ARHGEF4: variants seen among roughly 807,000 people sequenced by gnomAD.
The protein encoded by ARHGEF4 is APC-stimulated guanine nucleotide exchange factor 1.
A neutral mutation model predicts 162.0 loss-of-function variants in ARHGEF4; 119 were observed. The observed-to-expected ratio is 0.73, with a 90% CI of 0.63 to 0.86. The LOEUF is 0.86. Among genes scored for constraint, ARHGEF4 ranks in the 40% least tolerant of loss-of-function variants. ARHGEF4 has a pLI of 0.00. For missense variants in ARHGEF4, 2,488 were observed against 2,456.0 expected, an observed-to-expected ratio of 1.01 and a Z score of -0.28; for synonymous variants, 1,014 against 979.9, an observed-to-expected ratio of 1.03 and a Z score of -0.65.
At chr2:131,041,691 G>C in intron 9 of ARHGEF4, 124 bp from the exon 10 acceptor site, 2 of 1,352,444 alleles carry the variant, frequency 1.5e-6, no homozygotes, top group Non-Finnish European at 1.0e-6. Context: ...GCATCTGATA[G>C]TGAGGATGTG....
At chr2:130,913,509 G>GTTT (rs202242067) in intron 1 of ARHGEF4, among the ~76,000 whole-genome samples, 4 of 152,040 alleles carry the variant, frequency 2.6e-5, no homozygotes, top group South Asian at 4.2e-4. Flanking sequence ...TACTTTTTGT[G>GTTT]TTTTTTTGTT....
intron 1 of ARHGEF4, among the ~76,000 whole-genome samples, chr2:130,842,801 T>C (rs1303565914): frequency 6.6e-6 from 1 of 152,214 alleles, no homozygotes; most frequent in Non-Finnish European, 1.5e-5. Flanking sequence ...CCAGTTTCTT[T>C]ACTAGTGAAG....
chr2:130,846,660 G>A (rs1053006082), intron 1 of ARHGEF4, among the ~76,000 whole-genome samples: 4 of 152,156 alleles, frequency 2.6e-5, no homozygotes, highest in African/African-American at 7.2e-5. Context: ...CAGGAGGTGC[G>A]GGGGCAGCTC....
At chr2:130,988,006 G>A (rs937029017) in intron 4 of ARHGEF4, among the ~76,000 whole-genome samples, 11 of 152,136 alleles carry the variant, frequency 7.2e-5, no homozygotes, top group Non-Finnish European at 1.3e-4. Flanking sequence ...CTTCTCATCC[G>A]TAAAATCAGG....
intron 4 of ARHGEF4, among the ~76,000 whole-genome samples, chr2:130,953,403 A>C (rs1684074795): frequency 6.6e-6 from 1 of 152,244 alleles, no homozygotes; most frequent in Admixed American, 6.5e-5. Flanking sequence ...TACAATAATT[A>C]ATTCAAGGTG....
chr2:130,946,360 G>A, intron 3 of ARHGEF4, 149 bp from the exon 4 acceptor site: 1 of 949,832 alleles, frequency 1.1e-6, no homozygotes. Context: ...GTTTTGATGT[G>A]AAAGGCATCC....
Position 131,038,928 on chromosome 2 carries a change from TTCAAAGCTGGGGA to T in ARHGEF4, c.4202_4214del (p.Phe1401SerfsTer5). 6.2e-7 allele frequency: 1 copy of T among 1,613,678 alleles called. No homozygotes were observed. The highest frequency in any genetic ancestry group is 1.7e-5 in the Admixed American group (1 of 60,016). On this transcript the variant is annotated frameshift_variant, in exon 6 of 14. Transcript: ENST00000409359. LOFTEE classifies it high-confidence loss of function. ...CACCATGGACGACCAGGAGCTGGGC[TTCAAAGCTGGGGA>T]CGTCATCGAAGTGATGGATGCCACC...
intron 4 of ARHGEF4, among the ~76,000 whole-genome samples, chr2:131,024,311 C>T (rs945194459): frequency 1.3e-5 from 2 of 152,140 alleles, no homozygotes; most frequent in Admixed American, 1.3e-4. Flanking sequence ...AATCTTGCTC[C>T]ATCGCCCAGG....
intron 1 of ARHGEF4, among the ~76,000 whole-genome samples, chr2:130,900,862 G>C (rs1680445207): frequency 3.3e-5 from 5 of 152,162 alleles, no homozygotes. Context: ...TATAGCTCTA[G>C]CCTATTTTGT....
At chr2:130,930,455 C>G (rs543490218) in intron 2 of ARHGEF4, among the ~76,000 whole-genome samples, 3 of 152,108 alleles carry the variant, frequency 2.0e-5, no homozygotes, top group Non-Finnish European at 4.4e-5. Flanking sequence ...GTGCCTGGTG[C>G]GTAACGGCAA....
At chr2:131,018,935 A>C (rs989468652) in intron 4 of ARHGEF4, among the ~76,000 whole-genome samples, 4 of 152,234 alleles carry the variant, frequency 2.6e-5, no homozygotes, top group Middle Eastern at 3.4e-3. Flanking sequence ...ATTCAGTTCT[A>C]TTGGTCTATA....
intron 1 of ARHGEF4, among the ~76,000 whole-genome samples, chr2:130,875,215 T>C (rs1678746183): frequency 6.6e-6 from 1 of 152,192 alleles, no homozygotes; most frequent in African/African-American, 2.4e-5. Context: ...CTCTTGTTCC[T>C]CCACATACAA....
rs1347081338 is a variant in ARHGEF4 at position 130,915,937 on chromosome 2, C to T, written c.1991C>T (p.Pro664Leu). The part of the protein sequence containing the change: ...TLPRDFPKER[P>L]ESPLSTGETP... ...CCCCGTGACTTTCCTAAGGAAAGAC[C>T]AGAATCTCCCTTGAGCACTGGCGAG... Residue 664 changes from proline (P) to leucine (L), a missense_variant, in exon 2 of 14, where the codon CCA (proline) becomes CTA (leucine). Pro to Leu is a moderately conservative substitution (Grantham distance 98, BLOSUM62 -3). Coordinates refer to ENST00000409359, the MANE Select transcript of ARHGEF4 (RefSeq NM_001367493.1). The T allele has an allele frequency of 3.2e-6, 5 of 1,550,580 alleles. No individual in the cohort carries two copies. The South Asian group carries it at 3.6e-5, about 11-fold the overall frequency.
chr2:130,853,767 G>A (rs776116858), intron 1 of ARHGEF4, among the ~76,000 whole-genome samples: 2 of 152,208 alleles, frequency 1.3e-5, no homozygotes, highest in African/African-American at 2.4e-5. Flanking sequence ...TGTGTCCAGT[G>A]TTGTGGGAAA....
At chr2:130,838,788 C>A (rs1680397033) in intron 1 of ARHGEF4, among the ~76,000 whole-genome samples, 1 of 152,124 alleles carries the variant, frequency 6.6e-6, no homozygotes, top group South Asian at 2.1e-4. Flanking sequence ...CGGACAGAAT[C>A]CAAGATGCCT....
chr2:131,046,226 T>C lies in ARHGEF4; in HGVS notation c.*37T>C. ...CCTGACAGCACCTGCTGGGCCTTCC[T>C]GCCAGTGGCCCCCAGTTTTTCTTCC... On this transcript the variant is annotated 3_prime_UTR_variant, in exon 14 of 14. Coordinates refer to ENST00000409359, the MANE Select transcript of ARHGEF4 (RefSeq NM_001367493.1). 2 of 1,577,398 alleles carry C rather than the reference T, an allele frequency of 1.3e-6. No homozygotes were observed. Among genetic ancestry groups the C allele is most frequent in the Non-Finnish European group, 1.7e-6 (2 of 1,155,972 alleles).
At chr2:130,965,595 A>T (rs1558779554) in intron 4 of ARHGEF4, among the ~76,000 whole-genome samples, 1 of 152,166 alleles carries the variant, frequency 6.6e-6, no homozygotes, top group Non-Finnish European at 1.5e-5. Context: ...CCTGAAGCAA[A>T]CTGGCAGAGG....
chr2:130,967,366 C>T (rs532295054), intron 4 of ARHGEF4, among the ~76,000 whole-genome samples: 3 of 152,340 alleles, frequency 2.0e-5, no homozygotes, highest in Admixed American at 1.3e-4. Context: ...CTGGAGCCTC[C>T]AGCCCATCAG....
rs1158056644 is a variant in ARHGEF4 at position 130,914,494 on chromosome 2, G to A, written c.548G>A (p.Cys183Tyr). ...LLAGVPRHTG[C>Y]CLQRATDSSG... ...GCAGGGGTTCCCCGACACACAGGGT[G>A]CTGCTTACAGAGGGCCACAGACAGC... The change falls in exon 2 of 14, where the codon TGC becomes TAC. Residue 183 changes from cysteine (C) to tyrosine (Y), a missense_variant. By Grantham distance (194) the Cys-to-Tyr change is radical. Around this residue, in one of 6 missense-constraint regions of ARHGEF4, gnomAD observed 81 missense variants for 125.8 expected, o/e 0.64. Transcript: ENST00000409359. 29 of 1,432,654 alleles carry A rather than the reference G, an allele frequency of 2.0e-5. No homozygotes were observed. The highest frequency in any genetic ancestry group is 2.3e-5 in the Non-Finnish European group (25 of 1,099,312). 88.7% of individuals were successfully genotyped at this position (1,432,654 alleles called of 1,614,324 possible).
Sources: gnomAD v4.1 joint callset for allele counts (sites outside exome capture counted in the v4.1 genomes callset) on GRCh38, gnomAD v4.1.1 for gene constraint, gnomAD v4.1.1 regional missense constraint, MANE v1.5 for transcripts, NCBI Gene and HGNC (gene_info 2026-07-23, HGNC 2026-07-21) for gene names.